NR2F1-AS1: variants seen among roughly 807,000 people sequenced by gnomAD.
The protein encoded by NR2F1-AS1 is NR2F1 regulatory antisense RNA 1, also known as NR2F1 antisense RNA 1.
At chr5:93,448,594 T>C (rs1580233338) in intron 4 of NR2F1-AS1, among the ~76,000 whole-genome samples, 1 of 152,306 alleles carries the variant, frequency 6.6e-6, no homozygotes, top group African/African-American at 2.4e-5. Flanking sequence ...TAATAAAGCA[T>C]TGGCTCACAT....
intron 4 of NR2F1-AS1, among the ~76,000 whole-genome samples, chr5:93,414,592 G>C (rs1434554356): frequency 1.3e-5 from 2 of 152,084 alleles, no homozygotes; most frequent in Non-Finnish European, 2.9e-5. Context: ...TTCTCTAGAG[G>C]CTGGCAAGGG....
In NR2F1-AS1 at chr5:93,564,134, A is replaced by C. The variant is rs866807466; in HGVS notation, n.314-671T>G. The stretch of plus-strand genomic sequence containing the variant: ...AAAAAAAAAAAAAAAAAAAAAAAAA[A>C]AAAAAAAAAAAAAAAACACACAACT... On this transcript the variant is annotated intron_variant and non_coding_transcript_variant, in intron 1 of 5. Transcript: ENST00000660523. Among the ~76,000 whole-genome samples, 624 of 120,616 alleles carry C rather than the reference A, an allele frequency of 5.2e-3. 1 individual carries two copies. The highest frequency in any genetic ancestry group is 0.014 in the South Asian group (52 of 3,844). The allele number at this position is 120,616 out of a possible 152,430, so 79.1% of individuals were successfully genotyped here. A position where few individuals can be genotyped will look rare whatever the true frequency, so the allele number is the denominator to read the frequency against.
At position 93,556,650 on chromosome 5, in the gene NR2F1-AS1, GCACA is replaced by G. The variant is rs550515373; in HGVS notation, n.414-1659_414-1656del. ...TAGATTTGGACACAGAGACAGACAT[GCACA>G]CAGGAAGAACACCATGTGAAGGCAG... On this transcript the variant is annotated intron_variant and non_coding_transcript_variant, in intron 2 of 5. Coordinates refer to ENST00000660523, the Ensembl canonical transcript of NR2F1-AS1. Among the ~76,000 whole-genome samples, 16 of 152,262 alleles carry G rather than the reference GCACA, an allele frequency of 1.1e-4. No homozygotes were observed. The South Asian group carries it at 1.9e-3, about 18-fold the overall frequency.
At chr5:93,516,362 C>T (rs911542423) in intron 4 of NR2F1-AS1, among the ~76,000 whole-genome samples, 12 of 151,758 alleles carry the variant, frequency 7.9e-5, no homozygotes, top group African/African-American at 2.9e-4. Flanking sequence ...AGTGTTCTCA[C>T]CCTTTCTAAT....
chr5:93,553,995 A>C (rs1752292091), intron 3 of NR2F1-AS1: 1 of 152,224 alleles, frequency 6.6e-6, no homozygotes, highest in African/African-American at 2.4e-5. Flanking sequence ...GAAATGTATA[A>C]ATACTGTATG....
intron 4 of NR2F1-AS1, among the ~76,000 whole-genome samples, chr5:93,466,904 T>TGG (rs34396649): frequency 0.02 from 308 of 15,432 alleles, 12 homozygotes; most frequent in East Asian, 0.094. Flanking sequence ...ATCCCTTTTT[T>TGG]GGGGGGGGGG....
rs574622044 is a variant in NR2F1-AS1 at position 93,433,721 on chromosome 5, A to G, written n.639-38179T>C. 5.9e-5 allele frequency among the ~76,000 whole-genome samples: 9 copies of G among 152,274 alleles called. No individual in the cohort carries two copies. In the East Asian group the frequency reaches 1.7e-3, roughly 29 times the overall value. ...TTGACTGCTTCCTTGTCTATTCTGA[A>G]TCATTTTTTATCTGTCCTCTAGTTT... On this transcript the variant is annotated intron_variant and non_coding_transcript_variant, in intron 4 of 5. Coordinates refer to ENST00000660523, the Ensembl canonical transcript of NR2F1-AS1.
intron 4 of NR2F1-AS1, among the ~76,000 whole-genome samples, chr5:93,440,226 A>G (rs1190445045): frequency 1.3e-5 from 2 of 151,896 alleles, no homozygotes; most frequent in Non-Finnish European, 2.9e-5. Context: ...TCTCACACAC[A>G]CACACACACA....
At chr5:93,495,229 G>A (rs1051092045) in intron 4 of NR2F1-AS1, among the ~76,000 whole-genome samples, 7 of 151,988 alleles carry the variant, frequency 4.6e-5, no homozygotes, top group East Asian at 1.9e-4. Flanking sequence ...GTTCTTTTCC[G>A]TACTTTATTC....
chr5:93,530,134 G>A (rs1467590890), intron 4 of NR2F1-AS1, among the ~76,000 whole-genome samples: 4 of 142,412 alleles, frequency 2.8e-5, no homozygotes, highest in African/African-American at 1.1e-4. Context: ...AGGCTGGAGT[G>A]CAGTGGCGCA....
intron 4 of NR2F1-AS1, among the ~76,000 whole-genome samples, chr5:93,549,608 A>ACATT (rs1353512378): frequency 6.6e-6 from 1 of 152,154 alleles, no homozygotes; most frequent in East Asian, 1.9e-4. Context: ...TTCAGGCCCT[A>ACATT]CATTCCCATG....
At chr5:93,463,951 C>T (rs2149865337) in intron 4 of NR2F1-AS1, among the ~76,000 whole-genome samples, 1 of 152,178 alleles carries the variant, frequency 6.6e-6, no homozygotes, top group Non-Finnish European at 1.5e-5. Context: ...AAATGGTGGA[C>T]TTTTGAGTTA....
intron 4 of NR2F1-AS1, among the ~76,000 whole-genome samples, chr5:93,516,187 TAC>T (rs1435217911): frequency 6.6e-6 from 1 of 151,870 alleles, no homozygotes; most frequent in East Asian, 1.9e-4. Context: ...CAAACACACT[TAC>T]AGAGTGTTTT....
intron 4 of NR2F1-AS1, among the ~76,000 whole-genome samples, chr5:93,531,183 G>T (rs1751728923): frequency 1.3e-5 from 2 of 152,286 alleles, no homozygotes; most frequent in Middle Eastern, 3.4e-3. Context: ...TCAAGGAAAG[G>T]AAAATAATGG....
chr5:93,574,683 AT>A lies in NR2F1-AS1; in HGVS notation n.313+5783del, dbSNP rs538113935. Among the ~76,000 whole-genome samples the A allele has an allele frequency of 1.3e-3, 199 of 152,096 alleles. 1 individual carries two copies. Among genetic ancestry groups the A allele is most frequent in the Non-Finnish European group, 2.4e-3 (160 of 67,958 alleles). On this transcript the variant is annotated intron_variant and non_coding_transcript_variant, in intron 1 of 5. Transcript: ENST00000660523. ...TGGGGTTTCTCTGTGACTTTGTTTG[AT>A]TTTTTTCCCCTTCCTTTCTTATATT...
intron 2 of NR2F1-AS1, among the ~76,000 whole-genome samples, chr5:93,561,128 C>A (rs978882551): frequency 6.6e-6 from 1 of 152,142 alleles, no homozygotes; most frequent in Non-Finnish European, 1.5e-5. Flanking sequence ...ACAAAATTAG[C>A]TGGGTGTGCT....
chr5:93,523,126 G>C (rs1411515347), intron 4 of NR2F1-AS1, among the ~76,000 whole-genome samples: 1 of 152,172 alleles, frequency 6.6e-6, no homozygotes, highest in Admixed American at 6.5e-5. Flanking sequence ...CAGCACAGCA[G>C]TATGAAGTCG....
At chr5:93,413,622 T>C (rs1255608455) in intron 4 of NR2F1-AS1, among the ~76,000 whole-genome samples, 22 of 152,168 alleles carry the variant, frequency 1.4e-4, no homozygotes, top group Non-Finnish European at 4.4e-5. Flanking sequence ...TATGTGCATG[T>C]ATTAAATATC....
At chr5:93,506,993 T>C (rs1006413545) in intron 4 of NR2F1-AS1, among the ~76,000 whole-genome samples, 1 of 152,194 alleles carries the variant, frequency 6.6e-6, no homozygotes, top group Non-Finnish European at 1.5e-5. Context: ...ACATATCTAC[T>C]TAACTGTGTC....
Sources: gnomAD v4.1 joint callset for allele counts (sites outside exome capture counted in the v4.1 genomes callset) on GRCh38, gnomAD v4.1.1 for gene constraint, MANE v1.5 for transcripts, NCBI Gene and HGNC (gene_info 2026-07-23, HGNC 2026-07-21) for gene names.